The following PCBP3 variants were observed in gnomAD, a reference collection of about 807,000 sequenced individuals.
PCBP3 encodes poly(rC) binding protein 3.
Under a neutral mutation model 52.7 loss-of-function variants are expected in PCBP3, and 25 were observed. The ratio of observed to expected loss-of-function variants is 0.47; its 90% confidence interval spans 0.35 to 0.66. PCBP3 has a LOEUF of 0.66. Among genes scored for constraint, PCBP3 ranks in the 30% least tolerant of loss-of-function variants. PCBP3 has a pLI of 0.01. For missense variants in PCBP3, 391 were observed against 490.3 expected (o/e 0.80, Z 1.91); for synonymous variants, 162 against 183.0 (o/e 0.89, Z 0.93).
rs2073648589 is a variant in PCBP3, at chr21:45,917,386, C to T, written c.676-202C>T. 1 of 517,486 alleles carries T rather than the reference C, an allele frequency of 1.9e-6. No homozygotes were observed. Among genetic ancestry groups the T allele is most frequent in the Non-Finnish European group, 3.5e-6 (1 of 284,610 alleles). 32.1% of individuals were successfully genotyped at this position (517,486 alleles called of 1,614,324 possible). On this transcript the variant is annotated intron_variant, in intron 12 of 17. Coordinates refer to ENST00000681687, the MANE Select transcript of PCBP3 (RefSeq NM_001384156.1). This position sits in a 1 kb window ranked among gnomAD's most constrained non-coding sequence, Gnocchi z 5.3. ...GAACTGGCCAGCTCAGCTCTGCCCG[C>T]CCAGAGGAAGTGGGTGCGGCTCCCC...
intron 2 of PCBP3, among the ~76,000 whole-genome samples, chr21:45,672,485 T>C (rs1022235302): frequency 6.6e-6 from 1 of 152,046 alleles, no homozygotes; most frequent in African/African-American, 2.4e-5. Context: ...TTTAGGCTCA[T>C]GTTTCTTTGG....
intron 4 of PCBP3, among the ~76,000 whole-genome samples, chr21:45,820,840 A>G (rs943358993): frequency 6.6e-6 from 1 of 152,082 alleles, no homozygotes; most frequent in Non-Finnish European, 1.5e-5. Context: ...TGCAGCAGAC[A>G]GGCAGCTCTG....
At chr21:45,766,661 G>A (rs1489688117) in intron 4 of PCBP3, among the ~76,000 whole-genome samples, 2 of 152,120 alleles carry the variant, frequency 1.3e-5, no homozygotes. Context: ...TGGCCTGTGT[G>A]AGCACAGGCC....
chr21:45,778,463 C>T (rs894593680), intron 4 of PCBP3, among the ~76,000 whole-genome samples: 6 of 152,074 alleles, frequency 3.9e-5, no homozygotes, highest in African/African-American at 1.2e-4. Flanking sequence ...TGGGTTCTTG[C>T]GCCCCTGGGA....
At chr21:45,654,150 C>T (rs549724507) in intron 1 of PCBP3, among the ~76,000 whole-genome samples, 1 of 152,048 alleles carries the variant, frequency 6.6e-6, no homozygotes, top group African/African-American at 2.4e-5. Context: ...TTACTGGTAA[C>T]ATTAACAGTA....
chr21:45,678,617 A>T (rs1018297204), intron 2 of PCBP3, among the ~76,000 whole-genome samples: 1 of 151,878 alleles, frequency 6.6e-6, no homozygotes, highest in Non-Finnish European at 1.5e-5. Flanking sequence ...GAGCCTGAAG[A>T]TGTGACTGAA....
chr21:45,730,552 G>T (rs1052357741), intron 2 of PCBP3, among the ~76,000 whole-genome samples: 1 of 152,040 alleles, frequency 6.6e-6, no homozygotes, highest in South Asian at 2.1e-4. Context: ...AATAATGTTG[G>T]ATGATAATGT....
intron 4 of PCBP3, among the ~76,000 whole-genome samples, chr21:45,790,915 G>A (rs916231225): frequency 1.3e-5 from 2 of 152,224 alleles, no homozygotes; most frequent in African/African-American, 4.8e-5. Flanking sequence ...AAGGAAAAGA[G>A]AGTAGTAGGG....
At chr21:45,672,912 G>T (rs1469365305) in intron 2 of PCBP3, among the ~76,000 whole-genome samples, 1 of 152,158 alleles carries the variant, frequency 6.6e-6, no homozygotes, top group Non-Finnish European at 1.5e-5. Context: ...GTGTCTTTCT[G>T]TGATGCTCAA....
At chr21:45,843,851 G>A (rs952230122) in intron 4 of PCBP3, among the ~76,000 whole-genome samples, 3 of 152,052 alleles carry the variant, frequency 2.0e-5, no homozygotes, top group African/African-American at 7.2e-5. Flanking sequence ...TCAGGTACAG[G>A]GTTTTATATA....
intron 4 of PCBP3, chr21:45,762,291 T>TTGCC (rs2088758562): frequency 6.6e-6 from 1 of 151,830 alleles, no homozygotes; most frequent in Non-Finnish European, 1.5e-5. Context: ...GTCTGTGGGA[T>TTGCC]TGCCATTCAC....
intron 12 of PCBP3, chr21:45,916,075 G>A: frequency 6.6e-6 from 1 of 152,430 alleles, no homozygotes; most frequent in Non-Finnish European, 1.5e-5. Flanking sequence ...GCACGACATG[G>A]TCGTGAGTTA....
chr21:45,876,812 T>G (rs1028081253), intron 5 of PCBP3, among the ~76,000 whole-genome samples: 1 of 152,216 alleles, frequency 6.6e-6, no homozygotes, highest in Non-Finnish European at 1.5e-5. Flanking sequence ...CCCAGACAGC[T>G]GAGGCCGTGA....
intron 5 of PCBP3, among the ~76,000 whole-genome samples, chr21:45,881,711 C>G (rs1439619298): frequency 6.6e-6 from 1 of 152,208 alleles, no homozygotes; most frequent in African/African-American, 2.4e-5. Flanking sequence ...CCAACAGCTC[C>G]CATTTCCCCC....
At position 45,929,717 on chromosome 21, in the gene PCBP3, G is replaced by A. The variant is rs539902046; in HGVS notation, c.718-200G>A. On this transcript the variant is annotated intron_variant, in intron 13 of 17. Transcript: ENST00000681687. ...CGGCTTCCGGAGCTGCCTTCTGCAC[G>A]CCGGGCATTGGCCTGCTCACAGCCT... Among the ~76,000 whole-genome samples the A allele has an allele frequency of 5.9e-5, 9 of 152,348 alleles. No homozygotes were observed. In the South Asian group the frequency reaches 1.2e-3, roughly 21 times the overall value.
intron 4 of PCBP3, among the ~76,000 whole-genome samples, chr21:45,769,451 C>T (rs762333609): frequency 4.6e-5 from 7 of 152,252 alleles, no homozygotes; most frequent in African/African-American, 1.2e-4. Context: ...ATCGCCTGTG[C>T]GTGCAGCTGG....
intron 3 of PCBP3, among the ~76,000 whole-genome samples, chr21:45,738,970 GC>G (rs1213222979): frequency 2.3e-5 from 2 of 86,712 alleles, no homozygotes; most frequent in Non-Finnish European, 4.4e-5. Flanking sequence ...CCTCTGGGTA[GC>G]CCCCCCATCT....
chr21:45,941,088 C>T (rs556304508), intron 17 of PCBP3, among the ~76,000 whole-genome samples: 12 of 152,336 alleles, frequency 7.9e-5, no homozygotes, highest in Admixed American at 3.9e-4. Context: ...CCCGACTTTA[C>T]CCACTGATGC....
rs568202422 is a variant in PCBP3, at chr21:45,693,285, G to A, written c.-200+24333G>A. ...ACATTGTTCTGATACCCACAATAAC[G>A]TGGGTGAATCTCAAAATTATTATGT... On this transcript the variant is annotated intron_variant, in intron 2 of 17. Transcript: ENST00000681687. Among the ~76,000 whole-genome samples, 7 of 152,220 alleles carry A rather than the reference G, an allele frequency of 4.6e-5. No individual in the cohort carries two copies. The South Asian group carries it at 1.2e-3, about 27-fold the overall frequency.
Sources: allele counts gnomAD v4.1 joint callset (sites outside exome capture counted in the v4.1 genomes callset), GRCh38; gene constraint gnomAD v4.1.1; non-coding constraint Gnocchi (gnomAD v3.1); transcripts MANE v1.5; gene names NCBI Gene and HGNC (gene_info 2026-07-23, HGNC 2026-07-21).